The following KIF3C variants were observed in gnomAD, a reference collection of about 807,000 sequenced individuals.
KIF3C encodes the protein kinesin-like protein KIF3C.
Under a neutral mutation model 67.7 loss-of-function variants are expected in KIF3C, and 12 were observed. The ratio of observed to expected loss-of-function variants is 0.18; its 90% CI spans 0.11 to 0.29. The LOEUF is 0.29. Among genes scored for constraint, KIF3C ranks in the 10% least tolerant of loss-of-function variants. The pLI is 1.00. For synonymous variants in KIF3C, 393 were observed against 426.2 expected (o/e 0.92, Z 0.96); for missense variants, 789 against 1,059.6 (o/e 0.74, Z 3.55).
intron 5 of KIF3C, among the ~76,000 whole-genome samples, chr2:25,937,795 C>T (rs1449348056): frequency 6.6e-6 from 1 of 152,118 alleles, no homozygotes; most frequent in Non-Finnish European, 1.5e-5. Flanking sequence ...TCACGGCACG[C>T]CTGTAATCCC....
intron 1 of KIF3C, among the ~76,000 whole-genome samples, chr2:25,964,023 T>A (rs1182899344): frequency 6.6e-6 from 1 of 152,130 alleles, no homozygotes; most frequent in Non-Finnish European, 1.5e-5. Context: ...AAAAATTTGT[T>A]ATGGCTAGGC....
chr2:25,953,094 C>T (rs1043968421), intron 4 of KIF3C, among the ~76,000 whole-genome samples: 3 of 151,622 alleles, frequency 2.0e-5, no homozygotes, highest in Admixed American at 1.3e-4. Flanking sequence ...CATGGCGAAA[C>T]TCCATCTCTA....
At chr2:25,970,667 C>CAAAAAAAAA (rs397984116) in intron 1 of KIF3C, among the ~76,000 whole-genome samples, 3 of 54,800 alleles carry the variant, frequency 5.5e-5, no homozygotes. Context: ...AACTTTGTCT[C>CAAAAAAAAA]AAAAAAAAAA....
Position 25,951,910 on chromosome 2 carries a change from G to A in KIF3C, c.1890-5C>T. ...AAGTTCTCGATGATTAGGTACCTGG[G>A]AGCAGGAATGAAGGAGTGATGGGAA... On this transcript the variant is annotated splice_polypyrimidine_tract_variant and splice_region_variant and intron_variant, in intron 4 of 7. Coordinates refer to ENST00000264712, the MANE Select transcript of KIF3C (RefSeq NM_002254.8). 10 of 1,594,596 alleles carry A rather than the reference G, an allele frequency of 6.3e-6. No individual in the cohort carries two copies. Among genetic ancestry groups the A allele is most frequent in the Non-Finnish European group, 7.7e-6 (9 of 1,162,454 alleles).
chr2:25,962,932 C>CATATAATATATAAT (rs1182257616), intron 1 of KIF3C, among the ~76,000 whole-genome samples: 1 of 36,588 alleles, frequency 2.7e-5, no homozygotes, highest in Non-Finnish European at 4.6e-5. Context: ...ATATATAATA[C>CATATAATATATAAT]ATATAATATA....
chr2:25,931,677 AC>A (rs1308145512), intron 5 of KIF3C, among the ~76,000 whole-genome samples: 2 of 151,578 alleles, frequency 1.3e-5, no homozygotes, highest in South Asian at 2.1e-4. Context: ...TTGCTCTGTC[AC>A]CCAGGCTGGA....
intron 1 of KIF3C, among the ~76,000 whole-genome samples, chr2:25,974,697 T>C (rs191375239): frequency 3.0e-4 from 46 of 152,104 alleles, no homozygotes; most frequent in Non-Finnish European, 6.5e-4. Context: ...GACCTCGATC[T>C]GGGAGTCATT....
At chr2:25,948,917 A>C (rs1267934533) in intron 5 of KIF3C, among the ~76,000 whole-genome samples, 2 of 152,180 alleles carry the variant, frequency 1.3e-5, no homozygotes, top group Admixed American at 1.3e-4. Flanking sequence ...AGAAACTGCT[A>C]AACTCAAGTC....
rs186818168 is a variant in KIF3C, at chr2:25,959,034, A to G, written c.1546-2590T>C. 5.1e-3 allele frequency among the ~76,000 whole-genome samples: 783 copies of G among 152,196 alleles called. 4 individuals carry two copies. Among genetic ancestry groups the G allele is most frequent in the African/African-American group, 0.017 (722 of 41,526 alleles). On this transcript the variant is annotated intron_variant, in intron 1 of 7. Transcript: ENST00000264712. ...GGTTGTGGTGAGCCGAGATCACGCC[A>G]TTGTACTCCAGCCTGGGCAACAAGA...
At chr2:25,969,753 CTA>C (rs1664232715) in intron 1 of KIF3C, among the ~76,000 whole-genome samples, 1 of 150,852 alleles carries the variant, frequency 6.6e-6, no homozygotes, top group Non-Finnish European at 1.5e-5. Context: ...GAGTCTCACT[CTA>C]TTGCCCAGGC....
intron 1 of KIF3C, among the ~76,000 whole-genome samples, chr2:25,971,871 CTTTTTTTTTTTTTTTTT>C (rs70950146): frequency 5.6e-5 from 3 of 53,810 alleles, no homozygotes; most frequent in Admixed American, 2.3e-4. Context: ...CCATGCCTAG[CTTTTTTTTTTTTTTTTT>C]TTTTTTTTTT....
chr2:25,945,112 C>G (rs1574483032), intron 5 of KIF3C, among the ~76,000 whole-genome samples: 2 of 148,402 alleles, frequency 1.3e-5, no homozygotes, highest in South Asian at 4.2e-4. Context: ...GCTTGGGCAA[C>G]AAGAGCAAAA....
rs78584073 is a variant in KIF3C, at chr2:25,947,079, C to T, written c.2006+4710G>A. Among the ~76,000 whole-genome samples, 23 of 150,896 alleles carry T rather than the reference C, an allele frequency of 1.5e-4. No individual in the cohort carries two copies. The South Asian group carries it at 2.3e-3, about 15-fold the overall frequency. ...CTGAGGCAGGAGAATTGCTTGAATC[C>T]GGGAGGTGGAGGTTGAAATGAGCCG... On this transcript the variant is annotated intron_variant, in intron 5 of 7. Coordinates refer to ENST00000264712, the MANE Select transcript of KIF3C (RefSeq NM_002254.8).
chr2:25,954,417 C>G, intron 3 of KIF3C, 32 bp from the exon 4 acceptor site: 1 of 1,555,748 alleles, frequency 6.4e-7, no homozygotes, highest in Non-Finnish European at 8.8e-7. Context: ...TCAGAGGCTG[C>G]TTGGTGTGGC....
At chr2:25,949,839 C>A (rs1433403084) in intron 5 of KIF3C, among the ~76,000 whole-genome samples, 2 of 151,272 alleles carry the variant, frequency 1.3e-5, no homozygotes, top group African/African-American at 4.8e-5. Context: ...GGCGTGGTAG[C>A]ATGCACCTGC....
intron 1 of KIF3C, among the ~76,000 whole-genome samples, chr2:25,965,568 A>G (rs1191146991): frequency 6.6e-6 from 1 of 151,132 alleles, no homozygotes; most frequent in Non-Finnish European, 1.5e-5. Flanking sequence ...GACTCAAGAG[A>G]TCCTCCCACC....
Position 25,954,269 on chromosome 2 carries a change from G to C in KIF3C, c.1887C>G (p.Leu629=). 5.6e-6 allele frequency: 9 copies of C among 1,612,612 alleles called. No homozygotes were observed. The highest frequency in any genetic ancestry group is 7.6e-6 in the Non-Finnish European group (9 of 1,178,640). The part of the protein sequence containing the change: ...AQNEQTRELK[L]KYLIIENFIP... ...ATGAAAAGAGCTGCGGGCCCTACTTGAGCTTGAGTTCGCGGGTCTGCTCGT... is the reference window on the plus strand; with the variant it reads ...ATGAAAAGAGCTGCGGGCCCTACTTCAGCTTGAGTTCGCGGGTCTGCTCGT... Residue 629 remains leucine, a splice_region_variant and synonymous_variant, in exon 4 of 8, where the codon CTC becomes CTG. Coordinates refer to ENST00000264712, the MANE Select transcript of KIF3C (RefSeq NM_002254.8).
intron 5 of KIF3C, among the ~76,000 whole-genome samples, chr2:25,942,406 C>CAAA (rs70950140): frequency 1.3e-5 from 2 of 150,046 alleles, no homozygotes; most frequent in South Asian, 2.1e-4. Context: ...GACCTAGTTG[C>CAAA]AAAAAAAAAT....
At chr2:25,951,602 C>T (rs1011896995) in intron 5 of KIF3C, 187 bp downstream of exon 5, 6 of 543,404 alleles carry the variant, frequency 1.1e-5, no homozygotes, top group Non-Finnish European at 2.0e-5. Flanking sequence ...CCCAGAACAC[C>T]CTTCCATCAT....
Sources: gnomAD v4.1 joint callset for allele counts (sites outside exome capture counted in the v4.1 genomes callset) on GRCh38, gnomAD v4.1.1 for gene constraint, MANE v1.5 for transcripts, NCBI Gene and HGNC (gene_info 2026-07-23, HGNC 2026-07-21) for gene names.